The following PARD3 variants were observed in gnomAD, a reference collection of about 807,000 sequenced individuals.
PARD3 encodes the protein par-3 family cell polarity regulator, also known as partitioning defective 3 homolog.
PARD3 carries 75 observed loss-of-function variants against 155.4 expected under a neutral mutation model. That is an observed-to-expected ratio of 0.48 (90% CI 0.40 to 0.58). The LOEUF (loss-of-function observed/expected upper bound fraction) is 0.58. PARD3 is among the 20% of genes least tolerant of loss of function. The pLI, the probability that PARD3 is intolerant of heterozygous loss-of-function variation, is 0.00. For missense variants in PARD3, 1,642 were observed against 1,721.7 expected (o/e 0.95, Z 0.82); for synonymous variants, 576 against 610.5 (o/e 0.94, Z 0.83).
At chr10:34,235,579 T>C (rs939057564) in intron 22 of PARD3, among the ~76,000 whole-genome samples, 1 of 152,234 alleles carries the variant, frequency 6.6e-6, no homozygotes. Context: ...AAACGCCACA[T>C]TAACTACCAC....
At position 34,164,990 on chromosome 10, in the gene PARD3, T is replaced by C. The variant is rs113294333; in HGVS notation, c.3420-33407A>G. Among the ~76,000 whole-genome samples the C allele has an allele frequency of 2.4e-3, 364 of 152,322 alleles. 3 individuals carry two copies. The highest frequency in any genetic ancestry group is 8.4e-3 in the African/African-American group (348 of 41,568). On this transcript the variant is annotated intron_variant, in intron 22 of 24. Transcript: ENST00000374788. ...CAACTGCATGTAAGATAATTTAACGTTGATTGATACTAGACTCTCCTTTTT... is the reference window on the plus strand; with the variant it reads ...CAACTGCATGTAAGATAATTTAACGCTGATTGATACTAGACTCTCCTTTTT...
intron 3 of PARD3, among the ~76,000 whole-genome samples, chr10:34,498,427 T>A (rs567178113): frequency 6.6e-6 from 1 of 152,314 alleles, no homozygotes; most frequent in East Asian, 1.9e-4. Context: ...CATTCTCATT[T>A]CATACATGCC....
At chr10:34,553,394 G>C (rs2084745215) in intron 2 of PARD3, among the ~76,000 whole-genome samples, 1 of 152,132 alleles carries the variant, frequency 6.6e-6, no homozygotes. Flanking sequence ...GAGAAGTTAA[G>C]GCCTTTGAAA....
At chr10:34,345,581 C>CA in intron 15 of PARD3, 1 of 985,092 alleles carries the variant, frequency 1.0e-6, no homozygotes, top group Non-Finnish European at 1.2e-6. Flanking sequence ...AGATACTGTG[C>CA]AAATCAATAA....
At chr10:34,173,635 G>A (rs1949903863) in intron 22 of PARD3, among the ~76,000 whole-genome samples, 1 of 152,088 alleles carries the variant, frequency 6.6e-6, no homozygotes, top group Non-Finnish European at 1.5e-5. Context: ...TATCACAATG[G>A]CAAAGCTAGG....
chr10:34,813,639 T>C (rs1174170066), intron 1 of PARD3, among the ~76,000 whole-genome samples: 2 of 152,202 alleles, frequency 1.3e-5, no homozygotes. Context: ...TTTTTTCCAA[T>C]ATATACTAAA....
intron 2 of PARD3, among the ~76,000 whole-genome samples, chr10:34,646,483 A>C (rs1019333566): frequency 6.6e-6 from 1 of 152,198 alleles, no homozygotes; most frequent in Non-Finnish European, 1.5e-5. Context: ...TTCTCACTGC[A>C]AACAGATTAA....
chr10:34,554,208 C>T (rs925215003), intron 2 of PARD3, among the ~76,000 whole-genome samples: 2 of 152,192 alleles, frequency 1.3e-5, no homozygotes, highest in Non-Finnish European at 2.9e-5. Context: ...CAGGTTTTCA[C>T]AGCACAATGC....
At chr10:34,342,604 T>C (rs1836950842) in intron 15 of PARD3, among the ~76,000 whole-genome samples, 1 of 152,156 alleles carries the variant, frequency 6.6e-6, no homozygotes, top group African/African-American at 2.4e-5. Flanking sequence ...GTGATCTTGA[T>C]GCAAAAAATT....
At chr10:34,272,634 G>T (rs1183449569) in intron 21 of PARD3, among the ~76,000 whole-genome samples, 3 of 152,182 alleles carry the variant, frequency 2.0e-5, no homozygotes, top group Admixed American at 6.5e-5. Context: ...GCTGAGGTGA[G>T]AGGATTGCCT....
chr10:34,435,301 G>A (rs911794310), intron 5 of PARD3, among the ~76,000 whole-genome samples: 4 of 152,084 alleles, frequency 2.6e-5, no homozygotes, highest in African/African-American at 9.7e-5. Context: ...GAAAAGTTTG[G>A]AAACATCAAG....
intron 22 of PARD3, among the ~76,000 whole-genome samples, chr10:34,210,977 T>C (rs1382861806): frequency 6.6e-6 from 1 of 152,156 alleles, no homozygotes; most frequent in Admixed American, 6.5e-5. Context: ...ACAGGTGACA[T>C]GTTTATGGGC....
intron 2 of PARD3, among the ~76,000 whole-genome samples, chr10:34,600,384 T>C (rs2089659456): frequency 6.6e-6 from 1 of 150,918 alleles, no homozygotes; most frequent in African/African-American, 2.4e-5. Flanking sequence ...AAATAAAAGG[T>C]ATAAAGATTG....
intron 1 of PARD3, among the ~76,000 whole-genome samples, chr10:34,719,663 C>T (rs1315390534): frequency 6.6e-6 from 1 of 152,196 alleles, no homozygotes; most frequent in Non-Finnish European, 1.5e-5. Flanking sequence ...GTATAACCCT[C>T]AAACCATGCC....
At chr10:34,315,175 G>A (rs1334228938) in intron 20 of PARD3, among the ~76,000 whole-genome samples, 1 of 152,178 alleles carries the variant, frequency 6.6e-6, no homozygotes, top group East Asian at 1.9e-4. Flanking sequence ...TAATGATCTA[G>A]AGAAAGCATC....
At chr10:34,630,444 T>TC (rs370019460) in intron 2 of PARD3, among the ~76,000 whole-genome samples, 303 of 117,138 alleles carry the variant, frequency 2.6e-3, no homozygotes, top group African/African-American at 0.013. Context: ...CCTCTCTCTC[T>TC]TTTTTTTTTT....
intron 15 of PARD3, among the ~76,000 whole-genome samples, chr10:34,342,212 T>C (rs1049114494): frequency 2.0e-5 from 3 of 152,238 alleles, no homozygotes; most frequent in Non-Finnish European, 4.4e-5. Context: ...CATTCATTCA[T>C]TGAGCAACTG....
chr10:34,523,404 T>C (rs2082273375), intron 2 of PARD3, among the ~76,000 whole-genome samples: 1 of 152,236 alleles, frequency 6.6e-6, no homozygotes, highest in South Asian at 2.1e-4. Context: ...ATATATGCAA[T>C]TGTTTTCCTA....
At chr10:34,436,111 G>GT (rs1175243647) in intron 5 of PARD3, among the ~76,000 whole-genome samples, 1 of 152,166 alleles carries the variant, frequency 6.6e-6, no homozygotes, top group East Asian at 1.9e-4. Flanking sequence ...TATGCCAAAG[G>GT]TAAGAACTTT....
Sources: gnomAD v4.1 joint callset for allele counts (sites outside exome capture counted in the v4.1 genomes callset) on GRCh38, gnomAD v4.1.1 for gene constraint, MANE v1.5 for transcripts, NCBI Gene and HGNC (gene_info 2026-07-23, HGNC 2026-07-21) for gene names.